Variants in TBC1D32 observed in about 807,000 individuals in gnomAD.
TBC1D32 encodes the protein protein broad-minded.
Under a neutral mutation model 170.3 loss-of-function variants are expected in TBC1D32, and 151 were observed. That is an observed-to-expected ratio of 0.89 (90% CI 0.78 to 1.01). TBC1D32 has a LOEUF of 1.01. Among genes scored for constraint, TBC1D32 ranks in the 50% least tolerant of loss-of-function variants. The probability of loss-of-function intolerance (pLI) is 0.00; values close to 1 mark genes in which losing one functional copy is unlikely to be tolerated. For missense variants in TBC1D32, 1,464 were observed against 1,457.1 expected (o/e 1.00, Z -0.08); for synonymous variants, 498 against 488.0 (o/e 1.02, Z -0.27).
chr6:121,157,826 A>T (rs186287317), intron 24 of TBC1D32, among the ~76,000 whole-genome samples: 71 of 152,246 alleles, frequency 4.7e-4, no homozygotes, highest in African/African-American at 1.7e-3. Flanking sequence ...TGCTGAAAAT[A>T]GGCCTCCAAT....
chr6:121,327,676 C>T (rs1810630064), intron 1 of TBC1D32, among the ~76,000 whole-genome samples: 2 of 152,142 alleles, frequency 1.3e-5, no homozygotes, highest in Admixed American at 1.3e-4. Context: ...AAAGGCAAAG[C>T]TTCTATATAG....
intron 15 of TBC1D32, among the ~76,000 whole-genome samples, chr6:121,258,032 T>C (rs553683358): frequency 3.4e-5 from 5 of 148,428 alleles, no homozygotes; most frequent in Non-Finnish European, 7.4e-5. Context: ...GGGAAAAATA[T>C]AACAAGAGAA....
At position 121,283,899 on chromosome 6, in the gene TBC1D32, G is replaced by T. The variant is rs1378559589; in HGVS notation, c.1384C>A (p.Leu462Ile). ...GTAAAAAGAACAAGCAGATCTATGAGGGATACCAAACCTTTAAAAAGAAAA... is the reference window on the plus strand; with the variant it reads ...GTAAAAAGAACAAGCAGATCTATGATGGATACCAAACCTTTAAAAAGAAAA... ...KLKNKKGLVS[L>I]IDLLVLFTQL... The change falls in exon 13 of 32, where the codon CTC (leucine) becomes ATC (isoleucine). Residue 462 changes from leucine (L) to isoleucine (I), a missense_variant. Leu to Ile is a conservative substitution (Grantham distance 5). This residue lies in a region of TBC1D32 where 1,363 missense variants were observed against 1,338.1 expected (regional missense o/e 1.02). Transcript: ENST00000398212. The T allele has an allele frequency of 6.2e-7, 1 of 1,605,020 alleles. No individual in the cohort carries two copies.
chr6:121,324,268 T>C (rs1314984263), intron 1 of TBC1D32, among the ~76,000 whole-genome samples: 2 of 152,194 alleles, frequency 1.3e-5, no homozygotes, highest in Non-Finnish European at 2.9e-5. Context: ...TTCAATTTCT[T>C]TCATTTTGCA....
intron 30 of TBC1D32, among the ~76,000 whole-genome samples, chr6:121,102,570 T>C (rs1047066883): frequency 2.0e-5 from 3 of 151,822 alleles, no homozygotes; most frequent in Admixed American, 6.6e-5. Flanking sequence ...CTTCCTTACA[T>C]CTTATACAAA....
intron 24 of TBC1D32, among the ~76,000 whole-genome samples, chr6:121,159,742 TAAAAGGTACAGTA>T (rs1205859984): frequency 6.6e-6 from 1 of 152,142 alleles, no homozygotes; most frequent in Non-Finnish European, 1.5e-5. Context: ...TTAAAGATTT[TAAAAGGTACAGTA>T]AAAATGTGGT....
chr6:121,096,084 G>A (rs895342705), intron 30 of TBC1D32: 4 of 151,868 alleles, frequency 2.6e-5, no homozygotes, highest in African/African-American at 9.7e-5. Flanking sequence ...GGTTGGTAGG[G>A]TATTAATTAC....
In TBC1D32 at chr6:121,321,746, A is replaced by G; in HGVS notation, c.204T>C (p.Gly68=). Residue 68 remains glycine (G), a synonymous_variant, in exon 2 of 32, where the codon GGT becomes GGC. Transcript: ENST00000398212. ...TTTCCATTTCTTCTTCAATCATAGAACCCAAAGTGTTGCCTATATGCTGCC... is the reference window on the plus strand; with the variant it reads ...TTTCCATTTCTTCTTCAATCATAGAGCCCAAAGTGTTGCCTATATGCTGCC... The part of the protein sequence containing the change: ...YLRQHIGNTL[G]SMIEEEMEKC... The G allele has an allele frequency of 6.2e-7, 1 of 1,613,946 alleles. No individual in the cohort carries two copies. The highest frequency in any genetic ancestry group is 2.2e-5 in the East Asian group (1 of 44,854).
chr6:121,286,909 A>C (rs141921687), intron 12 of TBC1D32, among the ~76,000 whole-genome samples: 1,881 of 152,318 alleles, frequency 0.012, 38 homozygotes, highest in African/African-American at 0.043. Context: ...ACTAAGCTTC[A>C]AAAGTGAAGG....
chr6:121,292,288 G>A lies in TBC1D32; in HGVS notation c.1232-95C>T, dbSNP rs1176468915. ...TTCTAGACATTAAACAAGGCTACAG[G>A]CTAGAATGGAGACATTACTGGTCAA... On this transcript the variant is annotated intron_variant, in intron 11 of 31. Coordinates refer to ENST00000398212, the MANE Select transcript of TBC1D32 (RefSeq NM_152730.6). The A allele has an allele frequency of 6.9e-6, 9 of 1,310,720 alleles. No homozygotes were observed. In the Admixed American group the frequency reaches 2.3e-4, roughly 34 times the overall value. 81.2% of individuals were successfully genotyped at this position (1,310,720 alleles called of 1,614,324 possible).
intron 31 of TBC1D32, among the ~76,000 whole-genome samples, chr6:121,085,596 AGCTACTTAAGATTTTCT>A (rs946405778): frequency 6.6e-6 from 1 of 151,868 alleles, no homozygotes; most frequent in African/African-American, 2.4e-5. Flanking sequence ...AAGGTTTTCA[AGCTACTTAAGATTTTCT>A]ACTACAATCT....
At chr6:121,159,351 A>C (rs1340161375) in intron 24 of TBC1D32, among the ~76,000 whole-genome samples, 1 of 152,192 alleles carries the variant, frequency 6.6e-6, no homozygotes, top group Non-Finnish European at 1.5e-5. Context: ...AGTTACTAAA[A>C]ATTACTACTC....
intron 20 of TBC1D32, among the ~76,000 whole-genome samples, chr6:121,232,520 C>T (rs114118031): frequency 0.012 from 1,882 of 151,994 alleles, 38 homozygotes; most frequent in African/African-American, 0.043. Flanking sequence ...GGAAGTATAG[C>T]CATTTTCACA....
intron 1 of TBC1D32, among the ~76,000 whole-genome samples, chr6:121,331,198 TTTGTTG>T (rs59446339): frequency 1.2e-4 from 18 of 151,588 alleles, no homozygotes; most frequent in African/African-American, 4.4e-4. Context: ...TTTTTGGTTT[TTTGTTG>T]TTGTTGTTGT....
chr6:121,201,013 A>G (rs1298156334), intron 22 of TBC1D32, among the ~76,000 whole-genome samples: 1 of 151,380 alleles, frequency 6.6e-6, no homozygotes, highest in Non-Finnish European at 1.5e-5. Context: ...TAAAATGATA[A>G]AAGATGGGTG....
At chr6:121,202,324 G>A (rs1397059217) in intron 22 of TBC1D32, among the ~76,000 whole-genome samples, 1 of 142,860 alleles carries the variant, frequency 7.0e-6, no homozygotes, top group Non-Finnish European at 1.5e-5. Context: ...GCAGCAATAA[G>A]AGTGTGTGAT....
chr6:121,290,150 G>A (rs1272167599), intron 12 of TBC1D32, among the ~76,000 whole-genome samples: 1 of 152,088 alleles, frequency 6.6e-6, no homozygotes, highest in Non-Finnish European at 1.5e-5. Context: ...TTGACAAATG[G>A]GATCTAATTA....
At chr6:121,261,912 A>C (rs1378415750) in intron 15 of TBC1D32, among the ~76,000 whole-genome samples, 1 of 96,240 alleles carries the variant, frequency 1.0e-5, no homozygotes, top group Non-Finnish European at 2.3e-5. Context: ...TGCTAACTAG[A>C]ATAACCAGCT....
chr6:121,134,945 C>T (rs1423107937), intron 24 of TBC1D32, among the ~76,000 whole-genome samples: 1 of 147,146 alleles, frequency 6.8e-6, no homozygotes, highest in Non-Finnish European at 1.5e-5. Flanking sequence ...CAGCCATAGG[C>T]AGACAGAGAC....
Sources: allele counts gnomAD v4.1 joint callset (sites outside exome capture counted in the v4.1 genomes callset), GRCh38; gene constraint gnomAD v4.1.1; regional missense constraint gnomAD v4.1.1; transcripts MANE v1.5; gene names NCBI Gene and HGNC (gene_info 2026-07-23, HGNC 2026-07-21).